The following ZNF623 variants were observed in gnomAD, a reference collection of about 807,000 sequenced individuals.
ZNF623 encodes zinc finger protein 623.
In ZNF623, 16 loss-of-function variants were observed where a neutral mutation model predicts 24.0. The ratio of observed to expected loss-of-function variants is 0.67; its 90% CI spans 0.45 to 1.01. The LOEUF is 1.01. ZNF623 is among the 50% of genes least tolerant of loss of function. The pLI is 0.00. For synonymous variants in ZNF623, 224 were observed against 219.8 expected, an observed-to-expected ratio of 1.02 and a Z score of -0.17; for missense variants, 566 against 606.5, an observed-to-expected ratio of 0.93 and a Z score of 0.70.
chr8:143,637,616 C>G (rs957237831), intron 1 of ZNF623, among the ~76,000 whole-genome samples: 2 of 152,136 alleles, frequency 1.3e-5, no homozygotes, highest in Admixed American at 1.3e-4. Context: ...GTGGCATGAT[C>G]TCGGCTCACT....
chr8:143,639,575 T>TG (rs1815004202), intron 1 of ZNF623, among the ~76,000 whole-genome samples: 1 of 152,004 alleles, frequency 6.6e-6, no homozygotes, highest in Non-Finnish European at 1.5e-5. Flanking sequence ...GGCTGGTCTC[T>TG]AAGTCCTGAG....
chr8:143,638,510 T>C (rs1405005997), intron 1 of ZNF623, among the ~76,000 whole-genome samples: 4 of 150,808 alleles, frequency 2.7e-5, no homozygotes, highest in Non-Finnish European at 4.4e-5. Flanking sequence ...CCGAGGTGGG[T>C]GGATCACCTG....
rs540500228 is a variant in ZNF623, at chr8:143,650,699, C to T, written c.707C>T (p.Ser236Leu). ...NECGKSFIRS[S>L]SLIRHYQIHT... ...TGTGGGAAATCCTTCATAAGGAGCT[C>T]GAGCCTCATTCGCCATTATCAGATC... The change falls in exon 2 of 2, where the codon TCG becomes TTG. Residue 236 changes from serine to leucine, a missense_variant. Physicochemically the swap from Ser to Leu is moderately radical, Grantham distance 145 (BLOSUM62 -2). Coordinates refer to ENST00000526926, the MANE Select transcript of ZNF623 (RefSeq NM_001261843.2). This position sits in a 1 kb window ranked among gnomAD's most constrained non-coding sequence, Gnocchi z 5.2. 4.3e-6 allele frequency: 7 copies of T among 1,613,518 alleles called. No individual in the cohort carries two copies. The Admixed American group carries it at 5.0e-5, about 12-fold the overall frequency.
chr8:143,648,105 G>A (rs1343398349), intron 1 of ZNF623, among the ~76,000 whole-genome samples: 2 of 152,184 alleles, frequency 1.3e-5, no homozygotes, highest in African/African-American at 2.4e-5. Context: ...TGGAAAGAAG[G>A]CCAGGTTGGA....
At chr8:143,636,637 G>T (rs1183886463) in intron 1 of ZNF623, among the ~76,000 whole-genome samples, 1 of 152,218 alleles carries the variant, frequency 6.6e-6, no homozygotes, top group Admixed American at 6.5e-5. Context: ...CGGTGCTGGA[G>T]GAGATGCAGC....
intron 1 of ZNF623, among the ~76,000 whole-genome samples, chr8:143,649,059 C>T (rs113482280): frequency 0.086 from 13,015 of 151,860 alleles, 1,753 homozygotes; most frequent in African/African-American, 0.29. Flanking sequence ...GGGCAGATCA[C>T]GAGGTCAGGA....
rs1156729366 is a variant in ZNF623, at chr8:143,641,442, GTTTTTTTTT to G, written c.-96+5314_-96+5322del. Among the ~76,000 whole-genome samples, 3 of 10,038 alleles carry G rather than the reference GTTTTTTTTT, an allele frequency of 3.0e-4. 1 individual carries two copies. Among genetic ancestry groups the G allele is most frequent in the African/African-American group, 5.1e-4 (3 of 5,922 alleles). The allele number at this position is 10,038 out of a possible 152,430, so 6.6% of individuals were successfully genotyped here. On this transcript the variant is annotated intron_variant, in intron 1 of 1. Coordinates refer to ENST00000526926, the MANE Select transcript of ZNF623 (RefSeq NM_001261843.2). ...ACCAGGAGCATTGTCAGTGAGTAGT[GTTTTTTTTT>G]TTTTTTTTTTTTTTTTCTTTTTTTT...
chr8:143,636,037 G>T lies in ZNF623; in HGVS notation c.-204G>T, dbSNP rs1376176026. The T allele has an allele frequency of 2.6e-5, 4 of 152,558 alleles. No homozygotes were observed. Among genetic ancestry groups the T allele is most frequent in the Non-Finnish European group, 4.4e-5 (3 of 68,320 alleles). The allele number at this position is 152,558 out of a possible 1,614,324, so 9.5% of individuals were successfully genotyped here. On this transcript the variant is annotated 5_prime_UTR_variant, in exon 1 of 2. Transcript: ENST00000526926. The stretch of plus-strand genomic sequence containing the variant: ...CTCTCGCGACTTCCGGTCGCGGCGG[G>T]CTGGCGGCGGTGCAGGCTTTGTCGG...
intron 1 of ZNF623, among the ~76,000 whole-genome samples, chr8:143,648,540 G>T (rs112185615): frequency 6.6e-6 from 1 of 152,048 alleles, no homozygotes; most frequent in Non-Finnish European, 1.5e-5. Context: ...GGCCCATGAC[G>T]TGCATTTTTC....
chr8:143,644,288 G>A (rs543163547), intron 1 of ZNF623, among the ~76,000 whole-genome samples: 2 of 152,308 alleles, frequency 1.3e-5, no homozygotes, highest in South Asian at 4.1e-4. Flanking sequence ...AAAGTGTTGG[G>A]ATTACAGGCA....
At chr8:143,649,147 G>A (rs1020565643) in intron 1 of ZNF623, among the ~76,000 whole-genome samples, 12 of 151,840 alleles carry the variant, frequency 7.9e-5, no homozygotes, top group South Asian at 2.1e-4. Context: ...GCGTGGTGGC[G>A]GGCGCCTGTA....
Position 143,650,523 on chromosome 8 carries a change from T to G in ZNF623, c.531T>G (p.Cys177Trp), listed in dbSNP as rs201153654. The G allele has an allele frequency of 1.9e-6, 3 of 1,614,160 alleles. No homozygotes were observed. The South Asian group carries it at 3.3e-5, about 18-fold the overall frequency. ...GTGCGCAGTGTGGGAAGGCGTTTTG[T>G]CACAGTTCAGACCTGATTAGGCACC... ...FKCAQCGKAF[C>W]HSSDLIRHQR... Residue 177 changes from cysteine to tryptophan, a missense_variant, in exon 2 of 2, where the codon TGT becomes TGG. Physicochemically the swap from Cys to Trp is radical, Grantham distance 215. Transcript: ENST00000526926. The surrounding 1 kb of genome is among the most constrained non-coding windows in gnomAD (Gnocchi z 5.2).
Position 143,651,226 on chromosome 8 carries a change from A to G in ZNF623, c.1234A>G (p.Ile412Val). Reference sequence around the variant, plus strand: ...CTCCAAGCTGCTTCTGCACCAGATTATTCACACTGGAGAAAAGCCCTATGT... The same window carrying G: ...CTCCAAGCTGCTTCTGCACCAGATTGTTCACACTGGAGAAAAGCCCTATGT... The part of the protein sequence containing the change: ...QSSKLLLHQI[I>V]HTGEKPYVCS... The change falls in exon 2 of 2, where the codon ATT (isoleucine) becomes GTT (valine). Residue 412 changes from isoleucine to valine, a missense_variant. Physicochemically the swap from Ile to Val is conservative, Grantham distance 29. Transcript: ENST00000526926. 6.2e-7 allele frequency: 1 copy of G among 1,614,202 alleles called. No homozygotes were observed. Among genetic ancestry groups the G allele is most frequent in the South Asian group, 1.1e-5 (1 of 91,084 alleles).
At chr8:143,649,395 A>G (rs1251509536) in intron 1 of ZNF623, among the ~76,000 whole-genome samples, 1 of 152,124 alleles carries the variant, frequency 6.6e-6, no homozygotes, top group Non-Finnish European at 1.5e-5. Flanking sequence ...GAGGGAGGAA[A>G]GGGCAGGGGA....
At chr8:143,647,146 T>TG (rs1410582229) in intron 1 of ZNF623, among the ~76,000 whole-genome samples, 10 of 133,134 alleles carry the variant, frequency 7.5e-5, no homozygotes, top group African/African-American at 3.2e-4. Flanking sequence ...GGTGCCTTGC[T>TG]GTTTTTTTTT....
rs1815322357 is a variant in ZNF623 at position 143,651,556 on chromosome 8, T to G, written c.*73T>G. On this transcript the variant is annotated 3_prime_UTR_variant, in exon 2 of 2. Coordinates refer to ENST00000526926, the MANE Select transcript of ZNF623 (RefSeq NM_001261843.2). The stretch of plus-strand genomic sequence containing the variant: ...TTAGGATTCATGTGGTTTCTAAGAT[T>G]TGGACATGTCAGAATTTTGTGAGTC... 6.6e-7 allele frequency: 1 copy of G among 1,505,374 alleles called. No homozygotes were observed. The highest frequency in any genetic ancestry group is 2.3e-5 in the Admixed American group (1 of 44,056). 93.3% of individuals were successfully genotyped at this position (1,505,374 alleles called of 1,614,324 possible).
rs1815268660 is a variant in ZNF623 at position 143,650,294 on chromosome 8, A to G, written c.302A>G (p.His101Arg). The change falls in exon 2 of 2, where the codon CAT becomes CGT. Residue 101 changes from histidine (H) to arginine (R), a missense_variant. Physicochemically the swap from His to Arg is conservative, Grantham distance 29. Coordinates refer to ENST00000526926, the MANE Select transcript of ZNF623 (RefSeq NM_001261843.2). The surrounding 1 kb of genome is among the most constrained non-coding windows in gnomAD (Gnocchi z 5.2). ...ACGTTTAATTCGGACCTAGTTAGGC[A>G]TCGGATTTCGCATGCTGGGGAGAAA... is the stretch of plus-strand genomic sequence containing the variant. ...TFTFNSDLVR[H>R]RISHAGEKPY... The G allele has an allele frequency of 6.2e-7, 1 of 1,614,224 alleles. No homozygotes were observed. The highest frequency in any genetic ancestry group is 1.1e-5 in the South Asian group (1 of 91,090).
At chr8:143,640,664 G>A (rs1313760951) in intron 1 of ZNF623, among the ~76,000 whole-genome samples, 1 of 152,176 alleles carries the variant, frequency 6.6e-6, no homozygotes, top group Non-Finnish European at 1.5e-5. Flanking sequence ...ACCTCAGCCG[G>A]GCATGGTGGC....
chr8:143,642,024 C>T (rs2131442924), intron 1 of ZNF623, among the ~76,000 whole-genome samples: 1 of 152,312 alleles, frequency 6.6e-6, no homozygotes, highest in Middle Eastern at 3.4e-3. Context: ...TCTTTGAAGC[C>T]AGGCATTGAC....
Sources: allele counts gnomAD v4.1 joint callset (sites outside exome capture counted in the v4.1 genomes callset), GRCh38; gene constraint gnomAD v4.1.1; non-coding constraint Gnocchi (gnomAD v3.1); transcripts MANE v1.5; gene names NCBI Gene and HGNC (gene_info 2026-07-23, HGNC 2026-07-21).